The following MMP16 variants were observed in gnomAD, a reference collection of about 807,000 sequenced individuals.
The protein encoded by MMP16 is matrix metalloproteinase-16.
MMP16 carries 12 observed loss-of-function variants against 67.8 expected under a neutral mutation model. The ratio of observed to expected loss-of-function variants is 0.18; its 90% CI spans 0.11 to 0.29. The LOEUF (loss-of-function observed/expected upper bound fraction) is 0.29. Among genes scored for constraint, MMP16 ranks in the 10% least tolerant of loss-of-function variants. The pLI, the probability that MMP16 is intolerant of heterozygous loss-of-function variation, is 1.00. For missense variants in MMP16, 475 were observed against 765.7 expected (o/e 0.62, Z 4.48); for synonymous variants, 249 against 255.9 (o/e 0.97, Z 0.26).
At chr8:88,188,590 T>C (rs905657430) in intron 2 of MMP16, among the ~76,000 whole-genome samples, 5 of 152,154 alleles carry the variant, frequency 3.3e-5, no homozygotes, top group African/African-American at 1.2e-4. Context: ...GGCAGTAATG[T>C]CATGCTTTTG....
chr8:88,209,755 T>C (rs748322774), intron 1 of MMP16, among the ~76,000 whole-genome samples: 3 of 152,208 alleles, frequency 2.0e-5, no homozygotes, highest in Non-Finnish European at 4.4e-5. Context: ...AGAATACTAA[T>C]ATTTTCAATG....
chr8:88,298,413 T>C (rs1811044687), intron 1 of MMP16, among the ~76,000 whole-genome samples: 1 of 152,120 alleles, frequency 6.6e-6, no homozygotes, highest in Non-Finnish European at 1.5e-5. Flanking sequence ...CTGAATTCAA[T>C]TTAGAAAAAG....
intron 1 of MMP16, among the ~76,000 whole-genome samples, chr8:88,324,999 C>T (rs1158823789): frequency 6.6e-6 from 1 of 152,118 alleles, no homozygotes; most frequent in Non-Finnish European, 1.5e-5. Flanking sequence ...AAAAACTTCC[C>T]ATTTTATTAA....
intron 4 of MMP16, among the ~76,000 whole-genome samples, chr8:88,161,288 G>T (rs555163839): frequency 6.6e-6 from 1 of 152,304 alleles, no homozygotes; most frequent in Non-Finnish European, 1.5e-5. Context: ...CGGTGTATGT[G>T]TCCAGGAATT....
intron 2 of MMP16, among the ~76,000 whole-genome samples, chr8:88,190,825 A>G (rs1361348236): frequency 6.6e-6 from 1 of 152,086 alleles, no homozygotes; most frequent in East Asian, 1.9e-4. Context: ...TTCAGGCAGT[A>G]CTTTTTTTGC....
intron 4 of MMP16, among the ~76,000 whole-genome samples, chr8:88,148,779 T>C (rs1242426259): frequency 1.4e-5 from 2 of 145,396 alleles, no homozygotes; most frequent in East Asian, 2.0e-4. Flanking sequence ...AAAGTAACCA[T>C]TCCAAGAGTT....
chr8:88,177,484 AG>A (rs1808911833), intron 3 of MMP16, among the ~76,000 whole-genome samples: 1 of 149,732 alleles, frequency 6.7e-6, no homozygotes, highest in South Asian at 2.1e-4. Flanking sequence ...TCCCAGCCTT[AG>A]GGGTGGAGGG....
At chr8:88,144,796 T>C (rs1456651578) in intron 4 of MMP16, among the ~76,000 whole-genome samples, 1 of 151,944 alleles carries the variant, frequency 6.6e-6, no homozygotes, top group Non-Finnish European at 1.5e-5. Flanking sequence ...AAATTCAATA[T>C]ATCCAAGATA....
intron 1 of MMP16, among the ~76,000 whole-genome samples, chr8:88,227,148 ACT>A (rs1809783621): frequency 6.6e-6 from 1 of 152,076 alleles, no homozygotes; most frequent in Non-Finnish European, 1.5e-5. Context: ...GTGAGATCAC[ACT>A]GTGTCTCACA....
At chr8:88,272,641 T>C (rs1351807731) in intron 1 of MMP16, among the ~76,000 whole-genome samples, 1 of 152,202 alleles carries the variant, frequency 6.6e-6, no homozygotes, top group African/African-American at 2.4e-5. Context: ...GGGTAGATAA[T>C]ATTTGTGTTG....
At chr8:88,161,584 C>T (rs888015825) in intron 4 of MMP16, among the ~76,000 whole-genome samples, 1 of 151,898 alleles carries the variant, frequency 6.6e-6, no homozygotes, top group African/African-American at 2.4e-5. Context: ...TATTTCTTGC[C>T]TTCTGATAGC....
intron 6 of MMP16, among the ~76,000 whole-genome samples, chr8:88,098,011 C>T (rs537333182): frequency 2.0e-5 from 3 of 151,914 alleles, no homozygotes; most frequent in African/African-American, 7.2e-5. Context: ...AGGGAAGAGT[C>T]CACACAAGGA....
chr8:88,199,902 A>G (rs1386199807), intron 1 of MMP16, among the ~76,000 whole-genome samples: 6 of 151,954 alleles, frequency 3.9e-5, no homozygotes, highest in South Asian at 2.1e-4. Flanking sequence ...TGTCTTTTCA[A>G]TGTTCTCAAA....
At position 88,186,610 on chromosome 8, in the gene MMP16, A is replaced by C. The variant is rs1809078639; in HGVS notation, c.282-12T>G. On this transcript the variant is annotated splice_polypyrimidine_tract_variant and intron_variant, in intron 2 of 9. Coordinates refer to ENST00000286614, the MANE Select transcript of MMP16 (RefSeq NM_005941.5). ...GCTTCTTCATCCAGCTGCAAAAAAA[A>C]AAAAAAAAAAAAAAAAGCAGTATTT... 1 of 1,483,734 alleles carries C rather than the reference A, an allele frequency of 6.7e-7. No homozygotes were observed. Among genetic ancestry groups the C allele is most frequent in the Non-Finnish European group, 9.2e-7 (1 of 1,092,772 alleles). 91.9% of individuals were successfully genotyped at this position (1,483,734 alleles called of 1,614,324 possible).
chr8:88,303,956 C>G (rs58755914), intron 1 of MMP16, among the ~76,000 whole-genome samples: 21 of 152,098 alleles, frequency 1.4e-4, no homozygotes, highest in Admixed American at 9.2e-4. Context: ...GATAGCTAAA[C>G]TGATGGAAGT....
intron 6 of MMP16, among the ~76,000 whole-genome samples, chr8:88,083,149 A>G (rs1254060292): frequency 6.6e-6 from 1 of 152,122 alleles, no homozygotes; most frequent in African/African-American, 2.4e-5. Flanking sequence ...TATGTTAATT[A>G]ATGTTACATT....
rs1586117255 is a variant in MMP16 at position 88,040,160 on chromosome 8, G to A, written c.*1301C>T. 2 of 152,370 alleles carry A rather than the reference G, an allele frequency of 1.3e-5. No individual in the cohort carries two copies. Among genetic ancestry groups the A allele is most frequent in the Non-Finnish European group, 2.9e-5 (2 of 67,984 alleles). The allele number at this position is 152,370 out of a possible 1,614,324, so 9.4% of individuals were successfully genotyped here. On this transcript the variant is annotated 3_prime_UTR_variant, in exon 10 of 10. Transcript: ENST00000286614. ...CTAAAAAAAAGAAAAGAAGACTTAG[G>A]CTATTATCAGTTTTTCAAATAAAAT...
At chr8:88,135,650 C>T (rs747010551) in intron 4 of MMP16, among the ~76,000 whole-genome samples, 15 of 151,672 alleles carry the variant, frequency 9.9e-5, no homozygotes, top group African/African-American at 1.7e-4. Context: ...AGAGGAGAAT[C>T]GACGTAACCA....
At chr8:88,087,379 G>C (rs1040423001) in intron 6 of MMP16, among the ~76,000 whole-genome samples, 1 of 151,740 alleles carries the variant, frequency 6.6e-6, no homozygotes, top group African/African-American at 2.4e-5. Context: ...CTTTTTAGCC[G>C]ACTGTCCTGC....
Sources: gnomAD v4.1 joint callset for allele counts (sites outside exome capture counted in the v4.1 genomes callset) on GRCh38, gnomAD v4.1.1 for gene constraint, MANE v1.5 for transcripts, NCBI Gene and HGNC (gene_info 2026-07-23, HGNC 2026-07-21) for gene names.